Variants in STK4 observed in about 807,000 individuals in gnomAD.
The protein encoded by STK4 is serine/threonine kinase 4, also known as serine/threonine-protein kinase 4.
STK4 carries 30 observed loss-of-function variants against 64.9 expected under a neutral mutation model. The ratio of observed to expected loss-of-function variants is 0.46; its 90% CI spans 0.35 to 0.63. STK4 has a LOEUF of 0.63. Ranked by LOEUF, STK4 falls within the 20% of genes least tolerant of loss-of-function variation. The pLI, the probability that STK4 is intolerant of heterozygous loss-of-function variation, is 0.01. For synonymous variants in STK4, 177 were observed against 199.0 expected (o/e 0.89, Z 0.93); for missense variants, 466 against 598.5 (o/e 0.78, Z 2.31).
chr20:44,987,381 A>G (rs762356567), intron 5 of STK4, 85 bp downstream of exon 5: 20 of 1,297,166 alleles, frequency 1.5e-5, no homozygotes, highest in Non-Finnish European at 2.1e-5. Flanking sequence ...TTAAAATATA[A>G]TACTTGACTT....
At chr20:45,022,496 C>T (rs755812262) in intron 9 of STK4, among the ~76,000 whole-genome samples, 16 of 152,076 alleles carry the variant, frequency 1.1e-4, no homozygotes, top group Non-Finnish European at 1.9e-4. Context: ...ATGAGGCAAG[C>T]AGATGTTCTC....
chr20:44,966,805 G>A (rs2067158585), intron 1 of STK4, among the ~76,000 whole-genome samples: 2 of 152,156 alleles, frequency 1.3e-5, no homozygotes, highest in Non-Finnish European at 2.9e-5. Flanking sequence ...ACTTGGGACC[G>A]GTTAGAGGGA....
intron 10 of STK4, among the ~76,000 whole-genome samples, chr20:45,071,911 G>A (rs896364146): frequency 1.3e-5 from 2 of 151,908 alleles, no homozygotes; most frequent in African/African-American, 4.8e-5. Flanking sequence ...GACTATAGGT[G>A]TGCACCACCA....
chr20:44,977,213 A>G (rs2067354797), intron 2 of STK4, among the ~76,000 whole-genome samples: 1 of 152,238 alleles, frequency 6.6e-6, no homozygotes, highest in Non-Finnish European at 1.5e-5. Context: ...TTTAAGGATG[A>G]TTATGCTAGT....
chr20:45,064,111 G>GC (rs1031072304), intron 10 of STK4, among the ~76,000 whole-genome samples: 42 of 151,936 alleles, frequency 2.8e-4, no homozygotes, highest in Middle Eastern at 3.4e-3. Flanking sequence ...CCCGGCCAAG[G>GC]GGGGGGGTCC....
intron 10 of STK4, among the ~76,000 whole-genome samples, chr20:45,034,868 G>T (rs116692632): frequency 0.025 from 3,814 of 152,104 alleles, 138 homozygotes; most frequent in African/African-American, 0.082. Context: ...AGTGAGCTAG[G>T]ATTGCACCAC....
chr20:44,969,651 A>T (rs1169165607), intron 1 of STK4, among the ~76,000 whole-genome samples: 1 of 152,166 alleles, frequency 6.6e-6, no homozygotes, highest in Non-Finnish European at 1.5e-5. Context: ...TGGCCATCTG[A>T]CTTAGGAGAG....
intron 4 of STK4, among the ~76,000 whole-genome samples, 185 bp downstream of exon 4, chr20:44,982,128 T>TC: frequency 8.2e-6 from 1 of 122,002 alleles, no homozygotes; most frequent in Admixed American, 7.9e-5. Context: ...TTTTTTTTTT[T>TC]CAAGAGACCA....
At chr20:44,970,264 A>G (rs1380626787) in intron 1 of STK4, among the ~76,000 whole-genome samples, 2 of 152,194 alleles carry the variant, frequency 1.3e-5, no homozygotes, top group African/African-American at 2.4e-5. Flanking sequence ...AAGTTTGTCA[A>G]AGTATTATCA....
chr20:45,038,829 G>GT (rs570812997), intron 10 of STK4, among the ~76,000 whole-genome samples: 35 of 151,866 alleles, frequency 2.3e-4, no homozygotes, highest in African/African-American at 7.7e-4. Flanking sequence ...CATTAATGTA[G>GT]TTTTTTTCAA....
At chr20:45,007,261 C>CT (rs2067963858) in intron 9 of STK4, among the ~76,000 whole-genome samples, 1 of 152,090 alleles carries the variant, frequency 6.6e-6, no homozygotes, top group South Asian at 2.1e-4. Context: ...ATTGAAAGCA[C>CT]TTCAGAGTTG....
Position 44,978,503 on chromosome 20 carries a change from G to A in STK4, c.177G>A (p.Lys59=), listed in dbSNP as rs576817756. The change falls in exon 3 of 11, where the codon AAG becomes AAA. Residue 59 remains lysine (K), a synonymous_variant. Transcript: ENST00000372806. ...AGACCGGCCAGATTGTTGCTATTAA[G>A]CAAGTTCCTGTGGAATCAGACCTCC... ...HKETGQIVAI[K]QVPVESDLQE... 1 of 1,614,096 alleles carries A rather than the reference G, an allele frequency of 6.2e-7. No individual in the cohort carries two copies. Among genetic ancestry groups the A allele is most frequent in the Admixed American group, 1.7e-5 (1 of 60,024 alleles).
intron 10 of STK4, among the ~76,000 whole-genome samples, chr20:45,027,022 A>G (rs2068360902): frequency 6.6e-6 from 1 of 152,218 alleles, no homozygotes; most frequent in Non-Finnish European, 1.5e-5. Flanking sequence ...CTTCAGGCAA[A>G]GATGTTTAAC....
Position 45,015,631 on chromosome 20 carries a change from A to G in STK4, c.1148-9342A>G, listed in dbSNP as rs540402576. ...GGAACCCTATCTCTGAGTAAGGGCA[A>G]GAGAAGGACAAAGGAGTAGTGGAGT... On this transcript the variant is annotated intron_variant, in intron 9 of 10. Coordinates refer to ENST00000372806, the MANE Select transcript of STK4 (RefSeq NM_006282.5). Among the ~76,000 whole-genome samples, 9 of 152,342 alleles carry G rather than the reference A, an allele frequency of 5.9e-5. No homozygotes were observed. The South Asian group carries it at 1.7e-3, about 28-fold the overall frequency.
At chr20:45,047,698 G>T (rs1051199390) in intron 10 of STK4, among the ~76,000 whole-genome samples, 1 of 152,170 alleles carries the variant, frequency 6.6e-6, no homozygotes, top group South Asian at 2.1e-4. Flanking sequence ...ACAGTGTTGG[G>T]AATTCCCTTG....
rs1409830281 is a variant in STK4, at chr20:45,079,554, T to C, written c.*4378T>C. On this transcript the variant is annotated 3_prime_UTR_variant, in exon 11 of 11. Coordinates refer to ENST00000372806, the MANE Select transcript of STK4 (RefSeq NM_006282.5). ...TGTTTGTGTTTTTATCAGTATTATA[T>C]TCATTGTCTTTGGAATACATGTTCT... The C allele has an allele frequency of 6.6e-6, 1 of 152,660 alleles. No individual in the cohort carries two copies. The highest frequency in any genetic ancestry group is 1.9e-4 in the East Asian group (1 of 5,204). The allele number at this position is 152,660 out of a possible 1,614,324, so 9.5% of individuals were successfully genotyped here. A position where few individuals can be genotyped will look rare whatever the true frequency, so the allele number is the denominator to read the frequency against.
intron 5 of STK4, among the ~76,000 whole-genome samples, chr20:44,988,914 T>C (rs2067585371): frequency 6.6e-6 from 1 of 152,196 alleles, no homozygotes; most frequent in Non-Finnish European, 1.5e-5. Flanking sequence ...TGGCTTCTTT[T>C]GTTTAACATA....
intron 9 of STK4, among the ~76,000 whole-genome samples, chr20:45,005,012 C>A (rs2067912621): frequency 6.6e-6 from 1 of 151,714 alleles, no homozygotes; most frequent in Non-Finnish European, 1.5e-5. Context: ...ACCTCGTAAT[C>A]CGCCCGCCTT....
intron 6 of STK4, among the ~76,000 whole-genome samples, chr20:44,995,730 G>A (rs938809235): frequency 6.6e-6 from 1 of 151,724 alleles, no homozygotes; most frequent in Non-Finnish European, 1.5e-5. Flanking sequence ...TCTAGTTGTA[G>A]TCATTAATTA....
Sources: gnomAD v4.1 joint callset for allele counts (sites outside exome capture counted in the v4.1 genomes callset) on GRCh38, gnomAD v4.1.1 for gene constraint, MANE v1.5 for transcripts, NCBI Gene and HGNC (gene_info 2026-07-23, HGNC 2026-07-21) for gene names.